Variants in PRH2 observed in about 807,000 individuals in gnomAD.
PRH2 encodes the protein proline rich protein HaeIII subfamily 2.
PRH2 carries 19 observed loss-of-function variants against 22.6 expected under a neutral mutation model. The ratio of observed to expected loss-of-function variants is 0.84; its 90% CI spans 0.59 to 1.23. PRH2 has a LOEUF of 1.23. PRH2 is among the 50% of genes most tolerant of loss of function. The pLI is 0.00. For synonymous variants in PRH2, 45 were observed against 72.0 expected, an observed-to-expected ratio of 0.63 and a Z score of 1.90; for missense variants, 109 against 203.0, an observed-to-expected ratio of 0.54 and a Z score of 2.81.
chr12:10,932,011 C>T (rs977654500), intron 3 of PRH2, among the ~76,000 whole-genome samples: 9 of 152,156 alleles, frequency 5.9e-5, no homozygotes, highest in African/African-American at 2.2e-4. Context: ...TAACAATAAT[C>T]GTTTTTCGTC....
rs973217005 is a variant in PRH2, at chr12:10,933,138, G to A, written c.*931G>A. Reference sequence around the variant, plus strand: ...ATAATCTTCAGAGTAATCAGGTAAAGCTTAAACAAGTGTTTTAAAAGATGA... The same window carrying A: ...ATAATCTTCAGAGTAATCAGGTAAAACTTAAACAAGTGTTTTAAAAGATGA... On this transcript the variant is annotated 3_prime_UTR_variant, in exon 4 of 4. Transcript: ENST00000396400. Among the ~76,000 whole-genome samples the A allele has an allele frequency of 2.0e-5, 3 of 152,096 alleles. No individual in the cohort carries two copies. Among genetic ancestry groups the A allele is most frequent in the Admixed American group, 6.5e-5 (1 of 15,270 alleles).
At position 10,932,547 on chromosome 12, in the gene PRH2, T is replaced by C. The variant is rs971463040; in HGVS notation, c.*340T>C. Reference sequence around the variant, plus strand: ...GCACAATTATTTTCAGGTCATTTCCTGATAGTCTAGTCAGCTTATGAATGT... The same window carrying C: ...GCACAATTATTTTCAGGTCATTTCCCGATAGTCTAGTCAGCTTATGAATGT... On this transcript the variant is annotated 3_prime_UTR_variant, in exon 4 of 4. Coordinates refer to ENST00000396400, the MANE Select transcript of PRH2 (RefSeq NM_001110213.1). 1.3e-5 allele frequency among the ~76,000 whole-genome samples: 2 copies of C among 152,218 alleles called. No individual in the cohort carries two copies. The highest frequency in any genetic ancestry group is 4.8e-5 in the African/African-American group (2 of 41,454).
intron 1 of PRH2, 65 bp downstream of exon 1, chr12:10,929,402 G>A (rs773332722): frequency 1.3e-5 from 20 of 1,596,554 alleles, no homozygotes; most frequent in Non-Finnish European, 1.7e-5. Flanking sequence ...GCTATAGAGG[G>A]GGAAAGTGGA....
At chr12:10,932,188 T>C in intron 3 of PRH2, 38 bp from the exon 4 acceptor site, 1 of 429,150 alleles carries the variant, frequency 2.3e-6, no homozygotes, top group Non-Finnish European at 4.8e-6. Context: ...TTTCCTGCCA[T>C]GTCAAGTCTT....
At position 10,934,464 on chromosome 12, in the gene PRH2, A is replaced by C. The variant is rs1415131250; in HGVS notation, c.*2257A>C. Among the ~76,000 whole-genome samples, 1 of 152,118 alleles carries C rather than the reference A, an allele frequency of 6.6e-6. No individual in the cohort carries two copies. The highest frequency in any genetic ancestry group is 1.9e-4 in the East Asian group (1 of 5,200). On this transcript the variant is annotated 3_prime_UTR_variant, in exon 4 of 4. Transcript: ENST00000396400. Reference sequence around the variant, plus strand: ...CCCCAAAATTCCAATTAGGAATTATATATTTATTATTATAATGAGGATACT... The same window carrying C: ...CCCCAAAATTCCAATTAGGAATTATCTATTTATTATTATAATGAGGATACT...
rs1274170886 is a variant in PRH2 at position 10,930,763 on chromosome 12, G to A, written c.202G>A (p.Gly68Ser). 6.2e-7 allele frequency: 1 copy of A among 1,604,624 alleles called. No homozygotes were observed. The highest frequency in any genetic ancestry group is 8.5e-7 in the Non-Finnish European group (1 of 1,174,554). The part of the protein sequence containing the change: ...PSAGDGNQND[G>S]PQQGPPQQGG... ...TGCTGGTGATGGGAACCAGAATGATGGCCCTCAGCAGGGACCACCCCAACA... is the reference window on the plus strand; with the variant it reads ...TGCTGGTGATGGGAACCAGAATGATAGCCCTCAGCAGGGACCACCCCAACA... The change falls in exon 3 of 4, where the codon GGC becomes AGC. Residue 68 changes from glycine to serine, a missense_variant. Gly to Ser is a moderately conservative substitution (Grantham distance 56). Around this residue, in one of 4 missense-constraint regions of PRH2, gnomAD observed 14 missense variants for 31.0 expected, o/e 0.45. Transcript: ENST00000396400.
At chr12:10,930,578 C>T (rs1248830795) in intron 2 of PRH2, 84 bp from the exon 3 acceptor site, 15 of 1,576,142 alleles carry the variant, frequency 9.5e-6, no homozygotes, top group South Asian at 4.8e-5. Flanking sequence ...AGAGAGGGGC[C>T]GGCCGTGTGG....
chr12:10,933,937 A>G lies in PRH2; in HGVS notation c.*1730A>G, dbSNP rs891212548. ...CACATGCAGATCTGTTTTTCTGTCC[A>G]GAAAATAACAAGAGATTCTACTCAG... On this transcript the variant is annotated 3_prime_UTR_variant, in exon 4 of 4. Transcript: ENST00000396400. Among the ~76,000 whole-genome samples the G allele has an allele frequency of 6.6e-6, 1 of 152,158 alleles. No homozygotes were observed. The highest frequency in any genetic ancestry group is 2.4e-5 in the African/African-American group (1 of 41,470).
Position 10,929,341 on chromosome 12 carries a change from A to C in PRH2, c.64+4A>C. 1 of 1,614,140 alleles carries C rather than the reference A, an allele frequency of 6.2e-7. No homozygotes were observed. Among genetic ancestry groups the C allele is most frequent in the Non-Finnish European group, 8.5e-7 (1 of 1,180,028 alleles). On this transcript the variant is annotated splice_donor_region_variant and intron_variant, in intron 1 of 3. Coordinates refer to ENST00000396400, the MANE Select transcript of PRH2 (RefSeq NM_001110213.1). ...TCAGCTCAGGACTTAGATGAAGGTA[A>C]GCCGAATTGGGGGAAGATATTGTGA...
rs1292344929 is a variant in PRH2 at position 10,932,412 on chromosome 12, T to G, written c.*205T>G. Reference sequence around the variant, plus strand: ...TAAGAACATCCAGGACCCCTTCTCCTTGATGTTTCCAGCAAGCTTCTTTCC... The same window carrying G: ...TAAGAACATCCAGGACCCCTTCTCCGTGATGTTTCCAGCAAGCTTCTTTCC... On this transcript the variant is annotated 3_prime_UTR_variant, in exon 4 of 4. Transcript: ENST00000396400. 1.4e-5 allele frequency: 3 copies of G among 209,428 alleles called. No homozygotes were observed. In the East Asian group the frequency reaches 2.9e-4, roughly 20 times the overall value. 13.0% of individuals were successfully genotyped at this position (209,428 alleles called of 1,614,324 possible).
At position 10,930,971 on chromosome 12, in the gene PRH2, G is replaced by T; in HGVS notation, c.410G>T (p.Gly137Val). Residue 137 changes from glycine to valine, a missense_variant, in exon 3 of 4, where the codon GGT becomes GTT. Physicochemically the swap from Gly to Val is moderately radical, Grantham distance 109 (BLOSUM62 -3). Coordinates refer to ENST00000396400, the MANE Select transcript of PRH2 (RefSeq NM_001110213.1). ...CCCCAACAGGGAGGCCATCAGCAAG[G>T]TCCTCCCCCACCTCCTCCTGGAAAG... is the stretch of plus-strand genomic sequence containing the variant. ...GPPQQGGHQQ[G>V]PPPPPPGKPQ... 6.3e-7 allele frequency: 1 copy of T among 1,599,072 alleles called. No individual in the cohort carries two copies.
intron 1 of PRH2, 33 bp from the exon 2 acceptor site, chr12:10,930,236 A>G (rs1237068274): frequency 6.2e-7 from 1 of 1,608,732 alleles, no homozygotes; most frequent in East Asian, 2.2e-5. Context: ...TTCATGCAGT[A>G]ACTTTTCCCA....
intron 1 of PRH2, 46 bp downstream of exon 1, chr12:10,929,383 C>T (rs376218241): frequency 2.6e-5 from 42 of 1,609,666 alleles, no homozygotes; most frequent in Admixed American, 6.7e-5. Context: ...TTGGGGTTTA[C>T]GGGCGAATGC....
At position 10,934,363 on chromosome 12, in the gene PRH2, C is replaced by G. The variant is rs1323327114; in HGVS notation, c.*2156C>G. Among the ~76,000 whole-genome samples, 1 of 152,152 alleles carries G rather than the reference C, an allele frequency of 6.6e-6. No individual in the cohort carries two copies. Among genetic ancestry groups the G allele is most frequent in the Non-Finnish European group, 1.5e-5 (1 of 68,006 alleles). On this transcript the variant is annotated 3_prime_UTR_variant, in exon 4 of 4. Transcript: ENST00000396400. ...AAATCAGACAAATTCTGGAGATAGT[C>G]AAAGCTGTGAGGATTCGAAGATCTC...
In PRH2 at chr12:10,932,999, TTAAA is replaced by T. The variant is rs1417628687; in HGVS notation, c.*794_*797del. 2.0e-5 allele frequency among the ~76,000 whole-genome samples: 3 copies of T among 152,000 alleles called. No homozygotes were observed. The highest frequency in any genetic ancestry group is 2.1e-4 in the South Asian group (1 of 4,822). On this transcript the variant is annotated 3_prime_UTR_variant, in exon 4 of 4. Coordinates refer to ENST00000396400, the MANE Select transcript of PRH2 (RefSeq NM_001110213.1). ...TAAGAATTAATGAAAATTTAAAAGA[TTAAA>T]TGAATGAGAAGAAATGATTCATAAA...
intron 1 of PRH2, among the ~76,000 whole-genome samples, 190 bp from the exon 2 acceptor site, chr12:10,930,079 C>T (rs1055239728): frequency 1.3e-5 from 2 of 152,160 alleles, no homozygotes; most frequent in Non-Finnish European, 2.9e-5. Context: ...TCCTGGTTGA[C>T]GCTCAGTGTA....
Position 10,934,379 on chromosome 12 carries a change from C to G in PRH2, c.*2172C>G, listed in dbSNP as rs556347684. On this transcript the variant is annotated 3_prime_UTR_variant, in exon 4 of 4. Coordinates refer to ENST00000396400, the MANE Select transcript of PRH2 (RefSeq NM_001110213.1). ...GGAGATAGTCAAAGCTGTGAGGATT[C>G]GAAGATCTCTTTCACATCTTGACCC... is the stretch of plus-strand genomic sequence containing the variant. Among the ~76,000 whole-genome samples the G allele has an allele frequency of 1.3e-5, 2 of 152,066 alleles. No homozygotes were observed. The highest frequency in any genetic ancestry group is 2.9e-5 in the Non-Finnish European group (2 of 67,984).
rs1950245837 is a variant in PRH2, at chr12:10,933,687, C to G, written c.*1480C>G. On this transcript the variant is annotated 3_prime_UTR_variant, in exon 4 of 4. Transcript: ENST00000396400. Reference sequence around the variant, plus strand: ...TTTAAAAAACAATTCTTGTAAAATACTTTTTTGATTAGCCTTCTGACCATG... The same window carrying G: ...TTTAAAAAACAATTCTTGTAAAATAGTTTTTTGATTAGCCTTCTGACCATG... Among the ~76,000 whole-genome samples, 1 of 151,878 alleles carries G rather than the reference C, an allele frequency of 6.6e-6. No individual in the cohort carries two copies. Among genetic ancestry groups the G allele is most frequent in the Non-Finnish European group, 1.5e-5 (1 of 67,912 alleles).
Position 10,934,538 on chromosome 12 carries a change from T to G in PRH2, c.*2331T>G, listed in dbSNP as rs1358739741. Among the ~76,000 whole-genome samples the G allele has an allele frequency of 6.6e-6, 1 of 152,120 alleles. No individual in the cohort carries two copies. The highest frequency in any genetic ancestry group is 1.9e-4 in the East Asian group (1 of 5,198). On this transcript the variant is annotated 3_prime_UTR_variant, in exon 4 of 4. Coordinates refer to ENST00000396400, the MANE Select transcript of PRH2 (RefSeq NM_001110213.1). ...CAAAGAGAGAGCTCCAATGTCTAAA[T>G]GCAACGCTGACAATTTCTTCATCTA... is the stretch of plus-strand genomic sequence containing the variant.
Sources: allele counts gnomAD v4.1 joint callset (sites outside exome capture counted in the v4.1 genomes callset), GRCh38; gene constraint gnomAD v4.1.1; regional missense constraint gnomAD v4.1.1; transcripts MANE v1.5; gene names NCBI Gene and HGNC (gene_info 2026-07-23, HGNC 2026-07-21).